Variants in NUP54 observed in about 807,000 individuals in gnomAD.
NUP54 encodes the protein nucleoporin 54, also known as nucleoporin p54.
Under a neutral mutation model 66.4 loss-of-function variants are expected in NUP54, and 27 were observed. The ratio of observed to expected loss-of-function variants is 0.41; its 90% CI spans 0.30 to 0.56. The LOEUF (loss-of-function observed/expected upper bound fraction) is 0.56, where lower values mean the gene tolerates loss of function less well. Among genes scored for constraint, NUP54 ranks in the 20% least tolerant of loss-of-function variants. The pLI, the probability that NUP54 is intolerant of heterozygous loss-of-function variation, is 0.34. For synonymous variants in NUP54, 206 were observed against 210.7 expected, an observed-to-expected ratio of 0.98 and a Z score of 0.19; for missense variants, 486 against 596.3, an observed-to-expected ratio of 0.82 and a Z score of 1.93.
At chr4:76,119,719 G>A (rs1269951322) in intron 9 of NUP54, among the ~76,000 whole-genome samples, 1 of 151,838 alleles carries the variant, frequency 6.6e-6, no homozygotes, top group African/African-American at 2.4e-5. Flanking sequence ...CGGGGGAAAG[G>A]GTCTAAAGCA....
At chr4:76,122,786 A>G (rs959772717) in intron 9 of NUP54, among the ~76,000 whole-genome samples, 1 of 152,224 alleles carries the variant, frequency 6.6e-6, no homozygotes, top group African/African-American at 2.4e-5. Context: ...CATAATAGCC[A>G]AAAAGGAGAA....
chr4:76,137,387 G>T (rs1392030023), intron 3 of NUP54, among the ~76,000 whole-genome samples: 1 of 152,082 alleles, frequency 6.6e-6, no homozygotes, highest in South Asian at 2.1e-4. Flanking sequence ...GAGGGAGGGA[G>T]GAAGGGATGC....
chr4:76,115,612 C>T (rs1729919076), intron 11 of NUP54, 118 bp from the exon 12 acceptor site: 4 of 631,256 alleles, frequency 6.3e-6, no homozygotes, highest in Non-Finnish European at 1.0e-5. Flanking sequence ...CTAGTAAGTG[C>T]TCTAAATATA....
chr4:76,136,010 C>G lies in NUP54; in HGVS notation c.522+176G>C, dbSNP rs528203222. Among the ~76,000 whole-genome samples the G allele has an allele frequency of 3.8e-3, 580 of 152,204 alleles. 5 individuals are homozygous for G. Among genetic ancestry groups the G allele is most frequent in the Non-Finnish European group, 5.6e-3 (382 of 68,010 alleles). On this transcript the variant is annotated intron_variant, in intron 4 of 11. Transcript: ENST00000264883. Reference sequence around the variant, plus strand: ...CATTCATATTCTGGTCACCTTCAACCACACATATGTATGAAATCACTTCAA... The same window carrying G: ...CATTCATATTCTGGTCACCTTCAACGACACATATGTATGAAATCACTTCAA...
In NUP54 at chr4:76,148,345, G is replaced by A; in HGVS notation, c.30C>T (p.Gly10=). 2 of 1,547,892 alleles carry A rather than the reference G, an allele frequency of 1.3e-6. No homozygotes were observed. Among genetic ancestry groups the A allele is most frequent in the East Asian group, 2.5e-5 (1 of 39,724 alleles). ...CGGTGGCTGCAGCGGTACCGGAGGTGCCCGAGGGAGCCCCAAAATTGAAGG... is the reference window on the plus strand; with the variant it reads ...CGGTGGCTGCAGCGGTACCGGAGGTACCCGAGGGAGCCCCAAAATTGAAGG... MAFNFGAPS[G]TSGTAAATAA... Residue 10 remains glycine, a synonymous_variant, in exon 1 of 12, where the codon GGC becomes GGT. Coordinates refer to ENST00000264883, the MANE Select transcript of NUP54 (RefSeq NM_017426.4).
chr4:76,135,898 C>T (rs1731017815), intron 4 of NUP54, among the ~76,000 whole-genome samples: 1 of 152,172 alleles, frequency 6.6e-6, no homozygotes, highest in Non-Finnish European at 1.5e-5. Context: ...AGTTTGGTGT[C>T]TCCCCTTTAC....
At position 76,119,395 on chromosome 4, in the gene NUP54, T is replaced by C. The variant is rs182393510; in HGVS notation, c.1165-1201A>G. Among the ~76,000 whole-genome samples, 6 of 152,264 alleles carry C rather than the reference T, an allele frequency of 3.9e-5. No individual in the cohort carries two copies. The East Asian group carries it at 1.2e-3, about 29-fold the overall frequency. On this transcript the variant is annotated intron_variant, in intron 9 of 11. Coordinates refer to ENST00000264883, the MANE Select transcript of NUP54 (RefSeq NM_017426.4). ...TCCTTTTTTTGGTTGTTGTTTTTGT[T>C]TTTCTGAGACGACCTTGCTTTCTTG...
chr4:76,145,186 C>T (rs1004780436), intron 1 of NUP54, among the ~76,000 whole-genome samples: 76 of 151,670 alleles, frequency 5.0e-4, no homozygotes, highest in East Asian at 5.9e-4. Context: ...GGCGTGGCGG[C>T]GGGCGCCTGT....
intron 6 of NUP54, 141 bp downstream of exon 6, chr4:76,132,382 C>T (rs1730839637): frequency 5.6e-6 from 3 of 534,266 alleles, no homozygotes; most frequent in Non-Finnish European, 9.3e-6. Flanking sequence ...ATATTCAAAA[C>T]TATTTCCCAA....
Position 76,144,226 on chromosome 4 carries a change from G to A in NUP54, c.218C>T (p.Thr73Ile). 2 of 1,613,704 alleles carry A rather than the reference G, an allele frequency of 1.2e-6. No individual in the cohort carries two copies. Among genetic ancestry groups the A allele is most frequent in the Non-Finnish European group, 1.7e-6 (2 of 1,179,754 alleles). ...FGTGFGTTTG[T>I]STGLGTGLGT... ...CAAACCAGTACCTAAACCAGTACTAGTTCCCGTTGTTGTGCCAAAACCAGT... is the reference window on the plus strand; with the variant it reads ...CAAACCAGTACCTAAACCAGTACTAATTCCCGTTGTTGTGCCAAAACCAGT... Residue 73 changes from threonine (T) to isoleucine (I), a missense_variant, in exon 3 of 12, where the codon ACT becomes ATT. Physicochemically the swap from Thr to Ile is moderately conservative, Grantham distance 89 (BLOSUM62 -1). This residue lies in a region of NUP54 where 145 missense variants were observed against 137.1 expected (regional missense o/e 1.06). Coordinates refer to ENST00000264883, the MANE Select transcript of NUP54 (RefSeq NM_017426.4).
At position 76,134,668 on chromosome 4, in the gene NUP54, T is replaced by C. The variant is rs141174378; in HGVS notation, c.523-306A>G. 7.2e-3 allele frequency among the ~76,000 whole-genome samples: 1,089 copies of C among 152,280 alleles called. 9 individuals carry two copies. Among genetic ancestry groups the C allele is most frequent in the African/African-American group, 0.025 (1,044 of 41,570 alleles). ...ATTATTGTTGGTTGTTTCTGAACCATCTGCATGTCATTATAAAAGTGACTG... is the reference window on the plus strand; with the variant it reads ...ATTATTGTTGGTTGTTTCTGAACCACCTGCATGTCATTATAAAAGTGACTG... On this transcript the variant is annotated intron_variant, in intron 4 of 11. Transcript: ENST00000264883.
chr4:76,145,093 T>G (rs1392830080), intron 1 of NUP54, among the ~76,000 whole-genome samples: 2 of 151,006 alleles, frequency 1.3e-5, no homozygotes, highest in Non-Finnish European at 1.5e-5. Context: ...CCGAGGGGGG[T>G]GGATCACAAG....
chr4:76,131,416 G>A, intron 6 of NUP54, 132 bp from the exon 7 acceptor site: 15 of 511,390 alleles, frequency 2.9e-5, no homozygotes, highest in Non-Finnish European at 4.4e-5. Context: ...ATATAATCAT[G>A]GTAAAAATAC....
At chr4:76,124,497 T>G in intron 9 of NUP54, 152 bp downstream of exon 9, 1 of 414,832 alleles carries the variant, frequency 2.4e-6, no homozygotes. Context: ...TGTTTTCCAA[T>G]TTCAAAGTTT....
intron 5 of NUP54, among the ~76,000 whole-genome samples, chr4:76,133,459 C>A (rs1730901195): frequency 6.6e-6 from 1 of 152,000 alleles, no homozygotes; most frequent in Non-Finnish European, 1.5e-5. Flanking sequence ...GCACCTGCCA[C>A]CACGCCCGGC....
At chr4:76,118,434 G>T (rs1225589566) in intron 9 of NUP54, 4 of 423,302 alleles carry the variant, frequency 9.4e-6, no homozygotes, top group South Asian at 2.3e-5. Context: ...CTCCCAGGCT[G>T]AAGTGCAGTG....
At chr4:76,145,451 C>G (rs940580330) in intron 1 of NUP54, 11 of 447,882 alleles carry the variant, frequency 2.5e-5, no homozygotes, top group African/African-American at 2.4e-4. Context: ...CAGTTAGCAA[C>G]CTTGGTTTTG....
At chr4:76,119,033 A>G (rs910622943) in intron 9 of NUP54, among the ~76,000 whole-genome samples, 2 of 152,122 alleles carry the variant, frequency 1.3e-5, no homozygotes, top group African/African-American at 4.8e-5. Context: ...AAACTATGGT[A>G]TGGCTTAAAA....
chr4:76,146,980 C>T (rs1172770359), intron 1 of NUP54, among the ~76,000 whole-genome samples: 1 of 152,148 alleles, frequency 6.6e-6, no homozygotes, highest in Non-Finnish European at 1.5e-5. Flanking sequence ...TCCTAATCTG[C>T]TGAGTTGACC....
Sources: gnomAD v4.1 joint callset for allele counts (sites outside exome capture counted in the v4.1 genomes callset) on GRCh38, gnomAD v4.1.1 for gene constraint, gnomAD v4.1.1 regional missense constraint, MANE v1.5 for transcripts, NCBI Gene and HGNC (gene_info 2026-07-23, HGNC 2026-07-21) for gene names.